The following MAST2 variants were observed in gnomAD, a reference collection of about 807,000 sequenced individuals.
The protein encoded by MAST2 is microtubule associated serine/threonine kinase 2, also known as microtubule-associated serine/threonine-protein kinase 2.
MAST2 carries 70 observed loss-of-function variants against 147.4 expected under a neutral mutation model. That is an observed-to-expected ratio of 0.47 (90% CI 0.39 to 0.58). MAST2 has a LOEUF of 0.58. Ranked by LOEUF, MAST2 falls within the 20% of genes least tolerant of loss-of-function variation. The pLI, the probability that MAST2 is intolerant of heterozygous loss-of-function variation, is 0.00. For missense variants in MAST2, 2,080 were observed against 2,302.3 expected, an observed-to-expected ratio of 0.90 and a Z score of 1.98; for synonymous variants, 869 against 896.8, an observed-to-expected ratio of 0.97 and a Z score of 0.55.
At chr1:45,902,291 A>G (rs559404401) in intron 4 of MAST2, among the ~76,000 whole-genome samples, 1 of 152,238 alleles carries the variant, frequency 6.6e-6, no homozygotes, top group South Asian at 2.1e-4. Context: ...ACATTTATTG[A>G]TTTGTGTACG....
chr1:45,953,583 TAGAATAAAGCCTTGAAGGAGTGAGGG>T (rs950193456), intron 4 of MAST2, among the ~76,000 whole-genome samples: 4 of 140,564 alleles, frequency 2.8e-5, no homozygotes, highest in Non-Finnish European at 6.1e-5. Flanking sequence ...AAGGTGACAT[TAGAATAAAGCCTTGAAGGAGTGAGGG>T]ATTTTGCCAT....
intron 4 of MAST2, among the ~76,000 whole-genome samples, chr1:45,891,586 T>C (rs1161683078): frequency 1.3e-5 from 2 of 152,180 alleles, no homozygotes; most frequent in Non-Finnish European, 2.9e-5. Flanking sequence ...AGAAGAGTAT[T>C]CTCTAAACAA....
intron 3 of MAST2, among the ~76,000 whole-genome samples, chr1:45,864,740 T>G (rs1172025523): frequency 6.6e-6 from 1 of 152,206 alleles, no homozygotes; most frequent in Admixed American, 6.5e-5. Flanking sequence ...TAAACCTTTT[T>G]AATAAGCAGC....
chr1:45,859,552 CACA>C lies in MAST2; in HGVS notation c.469-22808_469-22806del, dbSNP rs1462997707. On this transcript the variant is annotated intron_variant, in intron 3 of 28. Transcript: ENST00000361297. ...GTACTCATAATTTGTTGTGGCCAGA[CACA>C]ACATGAGAGGGAGAAAATCAAGATG... 3.9e-5 allele frequency among the ~76,000 whole-genome samples: 6 copies of C among 152,256 alleles called. No homozygotes were observed. The East Asian group carries it at 1.2e-3, about 29-fold the overall frequency.
At chr1:45,829,964 C>T (rs1644903668) in intron 3 of MAST2, among the ~76,000 whole-genome samples, 2 of 151,254 alleles carry the variant, frequency 1.3e-5, no homozygotes, top group East Asian at 3.9e-4. Flanking sequence ...AAGCAATTCT[C>T]CTGCCTCAGC....
At chr1:45,834,654 G>T (rs1645051089) in intron 3 of MAST2, among the ~76,000 whole-genome samples, 1 of 152,142 alleles carries the variant, frequency 6.6e-6, no homozygotes, top group South Asian at 2.1e-4. Flanking sequence ...GTTGTTAAAA[G>T]TGGCATAGGA....
Position 45,946,454 on chromosome 1 carries a change from C to T in MAST2, c.501-12932C>T, listed in dbSNP as rs959433853. Reference sequence around the variant, plus strand: ...GCCAATTTCCTCCCTCTCTTTATGTCTTTTCTTTAAAACCCTTGATTCCTT... The same window carrying T: ...GCCAATTTCCTCCCTCTCTTTATGTTTTTTCTTTAAAACCCTTGATTCCTT... On this transcript the variant is annotated intron_variant, in intron 4 of 28. Transcript: ENST00000361297. 2.0e-5 allele frequency among the ~76,000 whole-genome samples: 3 copies of T among 152,094 alleles called. No individual in the cohort carries two copies. In the South Asian group the frequency reaches 6.2e-4, roughly 32 times the overall value.
At chr1:45,842,130 TC>T (rs1022960768) in intron 3 of MAST2, among the ~76,000 whole-genome samples, 5 of 152,098 alleles carry the variant, frequency 3.3e-5, no homozygotes, top group African/African-American at 9.7e-5. Context: ...GCTCAAGTGA[TC>T]CACCCGCTTT....
intron 3 of MAST2, among the ~76,000 whole-genome samples, chr1:45,868,469 G>T (rs562243927): frequency 2.6e-5 from 4 of 152,142 alleles, no homozygotes; most frequent in Admixed American, 6.5e-5. Context: ...AATATTTGTT[G>T]TGCTGATAAA....
At chr1:45,977,448 A>G (rs926577819) in intron 5 of MAST2, among the ~76,000 whole-genome samples, 2 of 151,632 alleles carry the variant, frequency 1.3e-5, no homozygotes, top group Admixed American at 1.3e-4. Context: ...AGGTGGCGCC[A>G]TTGCATTCCA....
At chr1:45,903,818 C>T (rs1650206213) in intron 4 of MAST2, among the ~76,000 whole-genome samples, 1 of 152,186 alleles carries the variant, frequency 6.6e-6, no homozygotes. Flanking sequence ...CCAGGTGACA[C>T]CTTGCTTGCA....
intron 1 of MAST2, among the ~76,000 whole-genome samples, chr1:45,816,885 A>G (rs1644472048): frequency 6.6e-6 from 1 of 151,986 alleles, no homozygotes; most frequent in Non-Finnish European, 1.5e-5. Context: ...CACCGTGTCA[A>G]CCAGGATGGT....
chr1:46,032,552 C>G (rs746841451), intron 25 of MAST2, 44 bp from the exon 26 acceptor site: 7 of 1,606,478 alleles, frequency 4.4e-6, no homozygotes, highest in Non-Finnish European at 6.0e-6. Context: ...CCCCATACTT[C>G]GTGTTCAGGC....
chr1:45,944,013 A>G (rs183326343), intron 4 of MAST2, among the ~76,000 whole-genome samples: 1 of 152,120 alleles, frequency 6.6e-6, no homozygotes, highest in African/African-American at 2.4e-5. Context: ...ACTTCGCTAT[A>G]CTCTGTGACA....
At chr1:45,919,406 A>G (rs1238437848) in intron 4 of MAST2, among the ~76,000 whole-genome samples, 1 of 152,226 alleles carries the variant, frequency 6.6e-6, no homozygotes, top group Non-Finnish European at 1.5e-5. Flanking sequence ...AAAAATGTTA[A>G]AAAAGGAAAG....
chr1:46,028,746 A>G (rs763834104), intron 17 of MAST2, 22 bp from the exon 18 acceptor site: 1 of 1,613,756 alleles, frequency 6.2e-7, no homozygotes, highest in South Asian at 1.1e-5. Flanking sequence ...AGGCTGAGCC[A>G]GCCTGGCTTT....
intron 5 of MAST2, among the ~76,000 whole-genome samples, chr1:45,979,461 C>T (rs551994227): frequency 6.7e-6 from 1 of 150,158 alleles, no homozygotes; most frequent in African/African-American, 2.4e-5. Flanking sequence ...CCCATTGAGC[C>T]AGTTATTGCC....
chr1:46,018,913 C>T (rs1035680978), intron 10 of MAST2, among the ~76,000 whole-genome samples: 8 of 152,204 alleles, frequency 5.3e-5, no homozygotes, highest in Non-Finnish European at 1.0e-4. Flanking sequence ...TTCTCTAAAA[C>T]CAAATGCAGT....
intron 2 of MAST2, among the ~76,000 whole-genome samples, chr1:45,828,073 C>T (rs1212638578): frequency 1.3e-5 from 2 of 152,106 alleles, no homozygotes; most frequent in Admixed American, 1.3e-4. Flanking sequence ...TCAAGTGATC[C>T]TCCTGCTTCG....
Sources: gnomAD v4.1 joint callset for allele counts (sites outside exome capture counted in the v4.1 genomes callset) on GRCh38, gnomAD v4.1.1 for gene constraint, MANE v1.5 for transcripts, NCBI Gene and HGNC (gene_info 2026-07-23, HGNC 2026-07-21) for gene names.